The following FMN1 variants were observed in gnomAD, a reference collection of about 807,000 sequenced individuals.
FMN1 encodes the protein formin-1.
FMN1 carries 110 observed loss-of-function variants against 132.4 expected under a neutral mutation model. That is an observed-to-expected ratio of 0.83 (90% confidence interval 0.71 to 0.97). The LOEUF is 0.97. Among genes scored for constraint, FMN1 ranks in the 50% least tolerant of loss-of-function variants. The pLI, the probability that FMN1 is intolerant of heterozygous loss-of-function variation, is 0.00. For synonymous variants in FMN1, 722 were observed against 651.7 expected (o/e 1.11, Z -1.64); for missense variants, 1,792 against 1,705.3 (o/e 1.05, Z -0.90).
chr15:33,154,313 G>T lies in FMN1; in HGVS notation c.602C>A (p.Ser201Tyr). 2 of 1,536,152 alleles carry T rather than the reference G, an allele frequency of 1.3e-6. No homozygotes were observed. The highest frequency in any genetic ancestry group is 1.7e-6 in the Non-Finnish European group (2 of 1,146,918). Residue 201 changes from serine to tyrosine, a missense_variant, in exon 4 of 21, where the codon TCC becomes TAC. Ser to Tyr is a moderately radical substitution (Grantham distance 144). Transcript: ENST00000616417. ...MGKDKICSSHSLPLSRTRPNL... is the reference protein window; with the variant it reads ...MGKDKICSSHYLPLSRTRPNL... ...AGGCCTTGTTCTAGAAAGAGGAAGG[G>T]AGTGGCTGGAACAGATCTTGTCCTT... is the stretch of plus-strand genomic sequence containing the variant.
At chr15:33,137,945 G>A (rs981299697) in intron 4 of FMN1, among the ~76,000 whole-genome samples, 2 of 152,156 alleles carry the variant, frequency 1.3e-5, no homozygotes, top group Admixed American at 6.5e-5. Context: ...CATGGGCCAC[G>A]TACTTCACTT....
intron 15 of FMN1, among the ~76,000 whole-genome samples, chr15:32,891,645 T>C (rs1000739089): frequency 1.3e-5 from 2 of 152,220 alleles, no homozygotes; most frequent in Non-Finnish European, 2.9e-5. Context: ...ATATTAATTC[T>C]ACCTTTTCAC....
intron 11 of FMN1, among the ~76,000 whole-genome samples, chr15:32,909,935 G>A (rs1038083156): frequency 7.9e-5 from 12 of 151,710 alleles, no homozygotes; most frequent in Admixed American, 4.6e-4. Context: ...TGATCACAAC[G>A]GGATTAAGAA....
intron 16 of FMN1, among the ~76,000 whole-genome samples, chr15:32,874,875 C>CT (rs2059602685): frequency 6.6e-6 from 1 of 152,136 alleles, no homozygotes; most frequent in Admixed American, 6.5e-5. Context: ...TTTGATGACA[C>CT]TTTTTAAAGA....
At chr15:32,860,032 G>A (rs2059228237) in intron 16 of FMN1, among the ~76,000 whole-genome samples, 1 of 150,324 alleles carries the variant, frequency 6.7e-6, no homozygotes, top group African/African-American at 2.5e-5. Flanking sequence ...AGACAGACAA[G>A]AAAGGAAAGA....
rs752519357 is a variant in FMN1, at chr15:32,969,385, C to G, written c.2316G>C (p.Glu772Asp). ...AACCCCCTCGCCATCTGTGTTCTAGCTCGTGTTTCAGATTTTCAATGGTTT... is the reference window on the plus strand; with the variant it reads ...AACCCCCTCGCCATCTGTGTTCTAGGTCGTGTTTCAGATTTTCAATGGTTT... ...LEETIENLKH[E>D]LEHRWRGGCE... Residue 772 changes from glutamate (E) to aspartate (D), a missense_variant, in exon 8 of 21, where the codon GAG becomes GAC. Glu to Asp is a conservative substitution (Grantham distance 45). This residue lies in a region of FMN1 where 1,150 missense variants were observed against 1,043.1 expected (regional missense o/e 1.10). Transcript: ENST00000616417. 1.2e-6 allele frequency: 2 copies of G among 1,613,934 alleles called. No individual in the cohort carries two copies. Among genetic ancestry groups the G allele is most frequent in the Admixed American group, 1.7e-5 (1 of 60,010 alleles).
At chr15:32,969,861 A>G (rs888361379) in intron 7 of FMN1, among the ~76,000 whole-genome samples, 1 of 152,234 alleles carries the variant, frequency 6.6e-6, no homozygotes, top group African/African-American at 2.4e-5. Context: ...TTCAAAAAAG[A>G]AAACTATAAA....
chr15:33,186,692 G>C (rs886469416), intron 2 of FMN1, among the ~76,000 whole-genome samples: 2 of 152,058 alleles, frequency 1.3e-5, no homozygotes, highest in Non-Finnish European at 2.9e-5. Flanking sequence ...AGTTTCTCTT[G>C]GTTGCGAGCA....
In FMN1 at chr15:33,047,521, G is replaced by C. The variant is rs80046611; in HGVS notation, c.2161+17436C>G. The stretch of plus-strand genomic sequence containing the variant: ...AGCCTGGGACACCTTGGGAAAAGCA[G>C]AGGAAGCACCACAGACCCTGTTTTG... On this transcript the variant is annotated intron_variant, in intron 6 of 20. Coordinates refer to ENST00000616417, the MANE Select transcript of FMN1 (RefSeq NM_001277313.2). Among the ~76,000 whole-genome samples the C allele has an allele frequency of 2.7e-3, 413 of 152,298 alleles. 1 individual carries two copies. The highest frequency in any genetic ancestry group is 9.2e-3 in the African/African-American group (382 of 41,550).
At chr15:33,097,100 C>A (rs190753976) in intron 4 of FMN1, among the ~76,000 whole-genome samples, 4 of 152,120 alleles carry the variant, frequency 2.6e-5, no homozygotes, top group Admixed American at 2.0e-4. Context: ...TCAAGACCAG[C>A]CTTGGTGACA....
chr15:32,820,588 C>T (rs2058185040), intron 17 of FMN1, among the ~76,000 whole-genome samples: 2 of 152,162 alleles, frequency 1.3e-5, no homozygotes, highest in South Asian at 2.1e-4. Flanking sequence ...TCCAGAACTT[C>T]TGAGTGTCCC....
At chr15:32,910,306 G>T (rs2060526458) in intron 11 of FMN1, among the ~76,000 whole-genome samples, 168 bp downstream of exon 11, 1 of 152,196 alleles carries the variant, frequency 6.6e-6, no homozygotes, top group Non-Finnish European at 1.5e-5. Flanking sequence ...TGGGAGTCAG[G>T]AATCTAGTGC....
At chr15:32,829,049 A>G (rs2058439445) in intron 17 of FMN1, among the ~76,000 whole-genome samples, 1 of 152,204 alleles carries the variant, frequency 6.6e-6, no homozygotes, top group African/African-American at 2.4e-5. Flanking sequence ...GTATTTGTTT[A>G]CTTGGAGCAA....
intron 10 of FMN1, among the ~76,000 whole-genome samples, chr15:32,922,044 T>TAAAAA (rs2060839965): frequency 6.6e-6 from 1 of 152,228 alleles, no homozygotes; most frequent in Non-Finnish European, 1.5e-5. Flanking sequence ...AGACTTAATC[T>TAAAAA]TAACTTTTAC....
At chr15:32,911,601 A>C (rs1476267737) in intron 10 of FMN1, among the ~76,000 whole-genome samples, 1 of 152,266 alleles carries the variant, frequency 6.6e-6, no homozygotes, top group East Asian at 1.9e-4. Flanking sequence ...CCTTTCATAC[A>C]ATTTTAACAA....
At chr15:32,936,521 G>C (rs923546671) in intron 9 of FMN1, among the ~76,000 whole-genome samples, 1 of 152,130 alleles carries the variant, frequency 6.6e-6, no homozygotes, top group Non-Finnish European at 1.5e-5. Context: ...TGGTACTGCA[G>C]TTTCTCTGGA....
chr15:32,879,524 T>C (rs540689675), intron 16 of FMN1, among the ~76,000 whole-genome samples: 3 of 152,264 alleles, frequency 2.0e-5, no homozygotes, highest in South Asian at 2.1e-4. Flanking sequence ...CCAGCATCCA[T>C]TGAGTAAAGT....
chr15:32,804,354 T>C (rs1453717119), intron 17 of FMN1, 22 bp from the exon 18 acceptor site: 10 of 1,518,382 alleles, frequency 6.6e-6, no homozygotes, highest in Non-Finnish European at 8.9e-6. Flanking sequence ...AAATCATGAT[T>C]AAAAATTTTT....
At chr15:32,948,800 T>C (rs753167239) in intron 9 of FMN1, among the ~76,000 whole-genome samples, 2 of 152,024 alleles carry the variant, frequency 1.3e-5, no homozygotes, top group Non-Finnish European at 2.9e-5. Flanking sequence ...AAGAAACTTT[T>C]GTCTTTAATT....
Sources: allele counts gnomAD v4.1 joint callset (sites outside exome capture counted in the v4.1 genomes callset), GRCh38; gene constraint gnomAD v4.1.1; regional missense constraint gnomAD v4.1.1; transcripts MANE v1.5; gene names NCBI Gene and HGNC (gene_info 2026-07-23, HGNC 2026-07-21).